PBX1: variants seen among roughly 807,000 people sequenced by gnomAD.
PBX1 encodes the protein PBX homeobox 1.
In PBX1, 6 loss-of-function variants were observed where a neutral mutation model predicts 53.4. The ratio of observed to expected loss-of-function variants is 0.11; its 90% CI spans 0.06 to 0.22. The LOEUF (loss-of-function observed/expected upper bound fraction) is 0.22. Ranked by LOEUF, PBX1 falls within the 10% of genes least tolerant of loss-of-function variation. The pLI is 1.00. For missense variants in PBX1, 251 were observed against 551.4 expected (o/e 0.46, Z 5.46); for synonymous variants, 204 against 212.3 (o/e 0.96, Z 0.34).
chr1:164,758,067 T>G (rs564138165), intron 2 of PBX1, among the ~76,000 whole-genome samples: 41 of 152,332 alleles, frequency 2.7e-4, no homozygotes, highest in African/African-American at 9.1e-4. Flanking sequence ...AACCATCTAC[T>G]TGCCCAGTTT....
intron 2 of PBX1, among the ~76,000 whole-genome samples, chr1:164,707,418 T>TGAGAGAGAGAGAGAGAGAGA (rs528876002): frequency 5.1e-5 from 6 of 118,214 alleles, no homozygotes; most frequent in African/African-American, 2.3e-4. Context: ...TGTGTGTGTG[T>TGAGAGAGAGAGAGAGAGAGA]GAGAGAGAGA....
intron 2 of PBX1, among the ~76,000 whole-genome samples, chr1:164,736,340 A>G (rs1665269472): frequency 6.6e-6 from 1 of 152,130 alleles, no homozygotes; most frequent in Admixed American, 6.6e-5. Context: ...GCTCGGGGGA[A>G]CCACAAGGCA....
intron 8 of PBX1, among the ~76,000 whole-genome samples, chr1:164,845,172 A>G (rs1293406317): frequency 1.3e-5 from 2 of 152,184 alleles, no homozygotes; most frequent in African/African-American, 4.8e-5. Context: ...TTGGAGCATC[A>G]TTTGGGTGAG....
At chr1:164,852,716 C>A (rs1293241103), downstream of PBX1, among the ~76,000 whole-genome samples, 1 of 152,166 alleles carries the variant, frequency 6.6e-6, no homozygotes, top group African/African-American at 2.4e-5. Flanking sequence ...GAAACTAGAT[C>A]AAAGCATCCC....
intron 2 of PBX1, among the ~76,000 whole-genome samples, chr1:164,722,984 G>C (rs1664491796): frequency 6.6e-6 from 1 of 152,142 alleles, no homozygotes; most frequent in African/African-American, 2.4e-5. Context: ...GGGTCATATG[G>C]TTTGCAGAAA....
chr1:164,575,367 A>G (rs1022338809), intron 2 of PBX1, among the ~76,000 whole-genome samples: 1 of 152,204 alleles, frequency 6.6e-6, no homozygotes, highest in Non-Finnish European at 1.5e-5. Flanking sequence ...TTTCCCTAAG[A>G]AAGTGTGGTC....
intron 2 of PBX1, among the ~76,000 whole-genome samples, chr1:164,676,092 G>T (rs1300925385): frequency 1.3e-5 from 2 of 152,146 alleles, no homozygotes; most frequent in African/African-American, 2.4e-5. Context: ...GATTGAAGTA[G>T]CTTACTGCAC....
intron 2 of PBX1, among the ~76,000 whole-genome samples, chr1:164,645,992 A>T (rs1659432994): frequency 6.6e-6 from 1 of 152,198 alleles, no homozygotes; most frequent in Admixed American, 6.5e-5. Context: ...TTTCTGTCTC[A>T]GTTATCTCAT....
At chr1:164,663,552 C>A (rs1240473056) in intron 2 of PBX1, among the ~76,000 whole-genome samples, 1 of 152,180 alleles carries the variant, frequency 6.6e-6, no homozygotes, top group African/African-American at 2.4e-5. Flanking sequence ...TTATCATCGA[C>A]ATGCTGTGTG....
chr1:164,614,439 C>T (rs768717470), intron 2 of PBX1, among the ~76,000 whole-genome samples: 6 of 152,044 alleles, frequency 3.9e-5, no homozygotes, highest in East Asian at 3.9e-4. Context: ...TTTCTTAGGT[C>T]GGACCTATCT....
At chr1:164,789,716 A>AG (rs1415529721) in intron 2 of PBX1, among the ~76,000 whole-genome samples, 1 of 152,226 alleles carries the variant, frequency 6.6e-6, no homozygotes, top group Non-Finnish European at 1.5e-5. Flanking sequence ...GGCCGCATGC[A>AG]GGACCAGTTG....
rs372891457 is a variant in PBX1 at position 164,664,975 on chromosome 1, C to G, written c.265+101664C>G. Among the ~76,000 whole-genome samples, 16 of 152,210 alleles carry G rather than the reference C, an allele frequency of 1.1e-4. No individual in the cohort carries two copies. The East Asian group carries it at 2.1e-3, about 20-fold the overall frequency. On this transcript the variant is annotated intron_variant, in intron 2 of 8. Transcript: ENST00000420696. ...CAGCCAAACCATATCATAGTACAAG[C>G]TTGGAATCTGTGTTGCAGGGTCTTA...
At position 164,613,157 on chromosome 1, in the gene PBX1, T is replaced by C. The variant is rs1033157573; in HGVS notation, c.265+49846T>C. Among the ~76,000 whole-genome samples, 5 of 152,338 alleles carry C rather than the reference T, an allele frequency of 3.3e-5. No homozygotes were observed. The East Asian group carries it at 5.8e-4, about 18-fold the overall frequency. ...ATACCATGAATACTGTTCTGCACCT[T>C]GCTTTTATTTATTTATGTATTTAGC... On this transcript the variant is annotated intron_variant, in intron 2 of 8. Coordinates refer to ENST00000420696, the MANE Select transcript of PBX1 (RefSeq NM_002585.4).
chr1:164,762,725 T>C (rs1416335337), intron 2 of PBX1, among the ~76,000 whole-genome samples: 1 of 152,228 alleles, frequency 6.6e-6, no homozygotes, highest in Non-Finnish European at 1.5e-5. Context: ...TAAAAGAACA[T>C]CTTTGTAGCA....
chr1:164,772,553 C>T (rs946867115), intron 2 of PBX1, among the ~76,000 whole-genome samples: 7 of 152,224 alleles, frequency 4.6e-5, no homozygotes, highest in Non-Finnish European at 1.0e-4. Context: ...ACCAGGATCA[C>T]ATATCAATTT....
At chr1:164,648,283 C>G (rs757155346) in intron 2 of PBX1, among the ~76,000 whole-genome samples, 1 of 152,176 alleles carries the variant, frequency 6.6e-6, no homozygotes, top group South Asian at 2.1e-4. Flanking sequence ...AAACTTAAAA[C>G]TGTACTTTGA....
At chr1:164,720,469 T>C (rs143013903) in intron 2 of PBX1, among the ~76,000 whole-genome samples, 1 of 152,190 alleles carries the variant, frequency 6.6e-6, no homozygotes, top group East Asian at 1.9e-4. Flanking sequence ...CATTTTCTAC[T>C]GTGCAATGAA....
intron 2 of PBX1, among the ~76,000 whole-genome samples, chr1:164,688,960 A>G (rs967275979): frequency 6.6e-6 from 1 of 152,240 alleles, no homozygotes; most frequent in African/African-American, 2.4e-5. Flanking sequence ...TCTCAGCCAA[A>G]GAAGACCTGT....
intron 2 of PBX1, chr1:164,680,035 C>T (rs1176776890): frequency 2.0e-5 from 3 of 152,004 alleles, no homozygotes; most frequent in Admixed American, 6.6e-5. Flanking sequence ...TCCTTCCTAG[C>T]GAGAGTAAGA....
Sources: gnomAD v4.1 joint callset for allele counts (sites outside exome capture counted in the v4.1 genomes callset) on GRCh38, gnomAD v4.1.1 for gene constraint, MANE v1.5 for transcripts, NCBI Gene and HGNC (gene_info 2026-07-23, HGNC 2026-07-21) for gene names.